The following L1TD1 variants were observed in gnomAD, a reference collection of about 807,000 sequenced individuals.
The protein encoded by L1TD1 is LINE-1 type transposase domain-containing protein 1.
In L1TD1, 26 loss-of-function variants were observed where a neutral mutation model predicts 25.7. The observed-to-expected ratio is 1.01, with a 90% CI of 0.74 to 1.40. The LOEUF is 1.40. Ranked by LOEUF, L1TD1 falls within the 40% of genes most tolerant of loss-of-function variation. The pLI is 0.00. For synonymous variants in L1TD1, 421 were observed against 335.6 expected (o/e 1.25, Z -2.78); for missense variants, 1,130 against 975.0 (o/e 1.16, Z -2.12).
Position 62,211,087 on chromosome 1 carries a change from GAAAAT to G in L1TD1, c.2316_2320del (p.Lys772AsnfsTer5). ...AATTTTGGAATTCTAGTGATAAAGA[GAAAAT>G]AATAAGGGCTTCTAGAGAGAGAAGA... is the stretch of plus-strand genomic sequence containing the variant. On this transcript the variant is annotated frameshift_variant, in exon 4 of 4. Transcript: ENST00000498273. LOFTEE classifies it low-confidence loss of function (END_TRUNC). The G allele has an allele frequency of 1.9e-6, 3 of 1,550,574 alleles. No homozygotes were observed. The highest frequency in any genetic ancestry group is 2.6e-6 in the Non-Finnish European group (3 of 1,146,808).
intron 2 of L1TD1, among the ~76,000 whole-genome samples, chr1:62,199,814 C>T (rs901497701): frequency 6.6e-6 from 1 of 152,148 alleles, no homozygotes; most frequent in Admixed American, 6.5e-5. Context: ...CTGAAAAGGT[C>T]AAAAAATCCC....
At chr1:62,196,222 C>T (rs974395049) in intron 1 of L1TD1, among the ~76,000 whole-genome samples, 2 of 152,118 alleles carry the variant, frequency 1.3e-5, no homozygotes, top group East Asian at 1.9e-4. Flanking sequence ...TTCTCTCCGG[C>T]CCCTCCCTGG....
intron 2 of L1TD1, 120 bp downstream of exon 2, chr1:62,196,648 A>C (rs2149097478): frequency 6.6e-6 from 1 of 152,238 alleles, no homozygotes; most frequent in Admixed American, 6.5e-5. Flanking sequence ...GCTGGAGTGC[A>C]ATGGTGCCAT....
Position 62,211,456 on chromosome 1 carries a change from AC to A in L1TD1, c.*87del. 6.6e-7 allele frequency: 1 copy of A among 1,510,292 alleles called. No homozygotes were observed. The highest frequency in any genetic ancestry group is 1.4e-5 in the African/African-American group (1 of 71,826). The allele number at this position is 1,510,292 out of a possible 1,614,324, so 93.6% of individuals were successfully genotyped here. On this transcript the variant is annotated 3_prime_UTR_variant, in exon 4 of 4. Coordinates refer to ENST00000498273, the MANE Select transcript of L1TD1 (RefSeq NM_019079.5). ...ACAAGTAAAACGAAAATACACTTCT[AC>A]CCAGAAGGATGGACAGCTAATAGCG...
chr1:62,195,370 A>G (rs908381067), intron 1 of L1TD1, among the ~76,000 whole-genome samples: 2 of 152,246 alleles, frequency 1.3e-5, no homozygotes, highest in Non-Finnish European at 2.9e-5. Context: ...AGACTTATCT[A>G]TCCCCAAATT....
At chr1:62,207,935 C>A (rs1030188614) in intron 3 of L1TD1, among the ~76,000 whole-genome samples, 3 of 152,214 alleles carry the variant, frequency 2.0e-5, no homozygotes, top group African/African-American at 7.2e-5. Context: ...TGGTCTCAAA[C>A]TCCCGACCTC....
In L1TD1 at chr1:62,206,542, T is replaced by A; in HGVS notation, c.-87T>A. 6 of 1,269,428 alleles carry A rather than the reference T, an allele frequency of 4.7e-6. No individual in the cohort carries two copies. The highest frequency in any genetic ancestry group is 6.1e-6 in the Non-Finnish European group (6 of 975,932). The allele number at this position is 1,269,428 out of a possible 1,614,324, so 78.6% of individuals were successfully genotyped here. A position where few individuals can be genotyped will look rare whatever the true frequency, so the allele number is the denominator to read the frequency against. On this transcript the variant is annotated 5_prime_UTR_variant, in exon 3 of 4. Transcript: ENST00000498273. ...AGATTGACGTATTTTAAGATTTTTT[T>A]AACTTCTGAAGTCTAGCAGGCCTGT...
At chr1:62,206,218 TAATC>T (rs1670741900) in intron 2 of L1TD1, among the ~76,000 whole-genome samples, 2 of 152,196 alleles carry the variant, frequency 1.3e-5, no homozygotes, top group Non-Finnish European at 2.9e-5. Context: ...CTATTATAAT[TAATC>T]TCATTATAGA....
intron 2 of L1TD1, among the ~76,000 whole-genome samples, chr1:62,197,116 T>C (rs1396249941): frequency 1.3e-5 from 2 of 151,966 alleles, no homozygotes; most frequent in African/African-American, 2.4e-5. Flanking sequence ...CCAGGTGTGG[T>C]GGCTCACACC....
At position 62,205,441 on chromosome 1, in the gene L1TD1, A is replaced by ATTTTTTTTTTTTTTTT. The variant is rs1447667211; in HGVS notation, c.-110-1077_-110-1076insTTTTTTTTTTTTTTTT. Among the ~76,000 whole-genome samples the ATTTTTTTTTTTTTTTT allele has an allele frequency of 4.6e-3, 245 of 53,718 alleles. 10 individuals carry two copies. The highest frequency in any genetic ancestry group is 6.4e-3 in the Non-Finnish European group (171 of 26,848). The allele number at this position is 53,718 out of a possible 152,430, so 35.2% of individuals were successfully genotyped here. ...TCTATATATATATATATATATATAT[A>ATTTTTTTTTTTTTTTT]TATTTTTTTTTAGACAGTCTTGCTG... On this transcript the variant is annotated intron_variant, in intron 2 of 3. Coordinates refer to ENST00000498273, the MANE Select transcript of L1TD1 (RefSeq NM_019079.5).
At chr1:62,200,371 A>T (rs750072755) in intron 2 of L1TD1, among the ~76,000 whole-genome samples, 1 of 152,124 alleles carries the variant, frequency 6.6e-6, no homozygotes, top group Non-Finnish European at 1.5e-5. Flanking sequence ...GGGTTTCACC[A>T]TGTTGGCCAG....
intron 2 of L1TD1, among the ~76,000 whole-genome samples, chr1:62,197,030 T>G (rs1024334212): frequency 1.1e-4 from 16 of 152,112 alleles, no homozygotes; most frequent in African/African-American, 3.6e-4. Context: ...TCGTCATCGC[T>G]AGAAACCACA....
chr1:62,206,549 T>C lies in L1TD1; in HGVS notation c.-80T>C. 1 of 1,307,824 alleles carries C rather than the reference T, an allele frequency of 7.6e-7. No individual in the cohort carries two copies. The highest frequency in any genetic ancestry group is 9.9e-7 in the Non-Finnish European group (1 of 1,005,836). The allele number at this position is 1,307,824 out of a possible 1,614,324, so 81.0% of individuals were successfully genotyped here. A position where few individuals can be genotyped will look rare whatever the true frequency, so the allele number is the denominator to read the frequency against. On this transcript the variant is annotated 5_prime_UTR_variant, in exon 3 of 4. Coordinates refer to ENST00000498273, the MANE Select transcript of L1TD1 (RefSeq NM_019079.5). The stretch of plus-strand genomic sequence containing the variant: ...CGTATTTTAAGATTTTTTTAACTTC[T>C]GAAGTCTAGCAGGCCTGTAAGAACA...
In L1TD1 at chr1:62,210,004, C is replaced by A; in HGVS notation, c.1230C>A (p.Pro410=). 6.4e-7 allele frequency: 1 copy of A among 1,554,046 alleles called. No individual in the cohort carries two copies. Among genetic ancestry groups the A allele is most frequent in the Non-Finnish European group, 8.8e-7 (1 of 1,136,832 alleles). The part of the protein sequence containing the change: ...TSGLEEEEEE[P]SGLEEEEEEE... ...GGCTGGAGGAGGAGGAGGAAGAGCC[C>A]TCAGGGCTGGAGGAGGAAGAAGAAG... is the stretch of plus-strand genomic sequence containing the variant. Residue 410 remains proline (P), a synonymous_variant, in exon 4 of 4, where the codon CCC becomes CCA. Coordinates refer to ENST00000498273, the MANE Select transcript of L1TD1 (RefSeq NM_019079.5).
chr1:62,195,079 C>G (rs1033823621), intron 1 of L1TD1, among the ~76,000 whole-genome samples, 158 bp downstream of exon 1: 5 of 151,082 alleles, frequency 3.3e-5, no homozygotes, highest in African/African-American at 4.9e-5. Context: ...CGGGGTGCCC[C>G]GGGTAAGGCT....
rs749163669 is a variant in L1TD1, at chr1:62,210,343, G to T, written c.1569G>T (p.Leu523Phe). 6.2e-7 allele frequency: 1 copy of T among 1,613,798 alleles called. No homozygotes were observed. The highest frequency in any genetic ancestry group is 8.5e-7 in the Non-Finnish European group (1 of 1,179,968). Residue 523 changes from leucine (L) to phenylalanine (F), a missense_variant, in exon 4 of 4, where the codon TTG becomes TTT. Transcript: ENST00000498273. ...YLVGDSGKKK[L>F]VKHQVVHKTQ... ...TTGGGGACTCTGGGAAGAAAAAGTT[G>T]GTGAAACACCAGGTGGTGCACAAAA...
chr1:62,205,373 TTCTC>T (rs200941635), intron 2 of L1TD1, among the ~76,000 whole-genome samples: 5 of 90,206 alleles, frequency 5.5e-5, no homozygotes, highest in Non-Finnish European at 9.2e-5. Context: ...AAAACTCTCT[TTCTC>T]TCTCTCTCTC....
chr1:62,205,417 CTATA>C (rs776188584), intron 2 of L1TD1, among the ~76,000 whole-genome samples: 2,490 of 21,690 alleles, frequency 0.11, 137 homozygotes, highest in South Asian at 0.23. Flanking sequence ...CTCTCTCTCT[CTATA>C]TATATATATA....
chr1:62,211,598 CAGTT>C lies in L1TD1; in HGVS notation c.*228_*231del, dbSNP rs893838483. The C allele has an allele frequency of 7.3e-6, 4 of 549,502 alleles. No individual in the cohort carries two copies. Among genetic ancestry groups the C allele is most frequent in the African/African-American group, 1.9e-5 (1 of 52,156 alleles). 34.0% of individuals were successfully genotyped at this position (549,502 alleles called of 1,614,324 possible). The stretch of plus-strand genomic sequence containing the variant: ...GTGAGTTATTTCAGTTGATCACAGT[CAGTT>C]ACAGATAGAATTCCTTGTTTTACTT... On this transcript the variant is annotated 3_prime_UTR_variant, in exon 4 of 4. Coordinates refer to ENST00000498273, the MANE Select transcript of L1TD1 (RefSeq NM_019079.5).
Sources: gnomAD v4.1 joint callset for allele counts (sites outside exome capture counted in the v4.1 genomes callset) on GRCh38, gnomAD v4.1.1 for gene constraint, MANE v1.5 for transcripts, NCBI Gene and HGNC (gene_info 2026-07-23, HGNC 2026-07-21) for gene names.